Variants in ARSF observed in about 807,000 individuals in gnomAD.
ARSF encodes the protein arylsulfatase F.
A neutral mutation model predicts 35.4 loss-of-function variants in ARSF; 33 were observed. The ratio of observed to expected loss-of-function variants is 0.93; its 90% CI spans 0.71 to 1.25. The LOEUF (loss-of-function observed/expected upper bound fraction) is 1.25. ARSF is among the 50% of genes most tolerant of loss of function. ARSF has a pLI of 0.00. For missense variants in ARSF, 501 were observed against 480.2 expected, an observed-to-expected ratio of 1.04 and a Z score of -0.40; for synonymous variants, 222 against 193.1, an observed-to-expected ratio of 1.15 and a Z score of -1.24.
chrX:3,066,516 C>T (rs1395135528), intron 1 of ARSF, among the ~76,000 whole-genome samples: 1 of 112,256 alleles, frequency 8.9e-6, no homozygotes, highest in Non-Finnish European at 1.9e-5. Context: ...TGGCTCAAAA[C>T]AGCCAGTCTT....
Position 3,058,678 on chromosome X carries a change from C to A in ARSF, c.-28-9395C>A, listed in dbSNP as rs757408740. 7.8e-4 allele frequency: 236 copies of A among 304,269 alleles called. 3 individuals carry two copies. Among genetic ancestry groups the A allele is most frequent in the African/African-American group, 5.5e-3 (202 of 36,531 alleles). 25.1% of individuals were successfully genotyped at this position (304,269 alleles called of 1,213,427 possible). On this transcript the variant is annotated intron_variant, in intron 1 of 10. Transcript: ENST00000381127. Reference sequence around the variant, plus strand: ...AACCAGCCTGGGCAATATAGGGAGACCTTGTCTCTACAAAAAAATAGAAAA... The same window carrying A: ...AACCAGCCTGGGCAATATAGGGAGAACTTGTCTCTACAAAAAAATAGAAAA...
chrX:3,065,659 GC>G (rs2090062359), intron 1 of ARSF, among the ~76,000 whole-genome samples: 2 of 107,218 alleles, frequency 1.9e-5, no homozygotes, highest in South Asian at 8.1e-4. Context: ...AAATGCACAT[GC>G]CCTTTATATG....
At chrX:3,065,308 T>G (rs1325240687) in intron 1 of ARSF, among the ~76,000 whole-genome samples, 1 of 106,800 alleles carries the variant, frequency 9.4e-6, no homozygotes, top group Non-Finnish European at 1.9e-5. Context: ...GGGGGAGGGA[T>G]AGCATTGGGA....
intron 7 of ARSF, among the ~76,000 whole-genome samples, chrX:3,092,172 G>GATACATACATAC (rs1335609824): frequency 4.0e-5 from 1 of 25,169 alleles, no homozygotes; most frequent in South Asian, 4.5e-3. Context: ...ATAGATGATA[G>GATACATACATAC]ATAGATACAT....
In ARSF at chrX:3,084,531, C is replaced by A. The variant is rs1488259084; in HGVS notation, c.695C>A (p.Ala232Asp). ...CTGTTTATTTTCCTCTTGGGCTATG[C>A]TTGGTTCTCCAGCCACACGTCCCCT... Reference protein sequence around the residue: ...MILFIFLLGYAWFSSHTSPLY... With the variant: ...MILFIFLLGYDWFSSHTSPLY... Residue 232 changes from alanine to aspartate, a missense_variant, in exon 6 of 11, where the codon GCT becomes GAT. Transcript: ENST00000381127. The A allele has an allele frequency of 3.3e-6, 4 of 1,209,562 alleles. No homozygotes were observed. The highest frequency in any genetic ancestry group is 4.5e-6 in the Non-Finnish European group (4 of 895,244).
At chrX:3,084,115 T>C in intron 5 of ARSF, 128 bp from the exon 6 acceptor site, 1 of 819,638 alleles carries the variant, frequency 1.2e-6, no homozygotes, top group Middle Eastern at 3.8e-4. Context: ...GGAAGGAGAA[T>C]ATCTCTGCTA....
At position 3,103,802 on chromosome X, in the gene ARSF, C is replaced by G. The variant is rs2147543387; in HGVS notation, c.1143C>G (p.Val381=). 1 of 1,211,514 alleles carries G rather than the reference C, an allele frequency of 8.3e-7. No homozygotes were observed. Among genetic ancestry groups the G allele is most frequent in the East Asian group, 3.0e-5 (1 of 33,828 alleles). The change falls in exon 9 of 11, where the codon GTC becomes GTG. Residue 381 remains valine, a synonymous_variant. Transcript: ENST00000381127. ...GMGGWEGGIR[V]PGIVRWPGKV... is the part of the protein sequence containing the mutation. The stretch of plus-strand genomic sequence containing the variant: ...GGGGCTGGGAAGGTGGAATCCGCGT[C>G]CCAGGAATTGTCCGATGGCCTGGAA...
At chrX:3,070,777 C>CT (rs1385822100) in intron 2 of ARSF, among the ~76,000 whole-genome samples, 2 of 111,388 alleles carry the variant, frequency 1.8e-5, no homozygotes, top group African/African-American at 6.5e-5. Flanking sequence ...ATTCTTATGC[C>CT]TTTGCAGCCT....
chrX:3,090,632 A>G (rs776192132), intron 7 of ARSF, among the ~76,000 whole-genome samples: 5 of 112,290 alleles, frequency 4.5e-5, no homozygotes, highest in Non-Finnish European at 9.4e-5. Flanking sequence ...GCACCACTGC[A>G]CTCCATGCAC....
At chrX:3,080,571 G>T (rs2090193342) in intron 4 of ARSF, among the ~76,000 whole-genome samples, 1 of 111,446 alleles carries the variant, frequency 9.0e-6, no homozygotes, top group South Asian at 3.9e-4. Flanking sequence ...ACTGCTCACA[G>T]TTCTGGAGGC....
At chrX:3,078,749 C>T (rs951195708) in intron 4 of ARSF, among the ~76,000 whole-genome samples, 1 of 111,531 alleles carries the variant, frequency 9.0e-6, no homozygotes, top group African/African-American at 3.3e-5. Flanking sequence ...ATCGGCCCAC[C>T]TCGGCCTCCC....
At chrX:3,068,026 T>G in intron 1 of ARSF, 47 bp from the exon 2 acceptor site, 9 of 972,864 alleles carry the variant, frequency 9.3e-6, no homozygotes, top group Non-Finnish European at 1.3e-5. Flanking sequence ...GATACTTTTT[T>G]TTTTTTTTTT....
intron 1 of ARSF, among the ~76,000 whole-genome samples, chrX:3,045,240 G>A (rs2089969863): frequency 8.9e-6 from 1 of 111,820 alleles, no homozygotes; most frequent in Non-Finnish European, 1.9e-5. Flanking sequence ...ATTTTCTGGG[G>A]TAAATACCCG....
At position 3,112,363 on chromosome X, in the gene ARSF, A is replaced by G; in HGVS notation, c.1580A>G (p.His527Arg). ...TPLTPATEPL[H>R]DFVIKKVANA... ...CTGACACCTGCCACAGAGCCCCTCC[A>G]TGATTTTGTGATTAAAAAGGTGGCC... Residue 527 changes from histidine (H) to arginine (R), a missense_variant, in exon 11 of 11, where the codon CAT becomes CGT. His to Arg is a conservative substitution (Grantham distance 29). Transcript: ENST00000381127. The G allele has an allele frequency of 2.5e-6, 3 of 1,211,222 alleles. No homozygotes were observed. The highest frequency in any genetic ancestry group is 1.8e-5 in the South Asian group (1 of 56,915).
chrX:3,076,494 C>T, intron 3 of ARSF, 54 bp from the exon 4 acceptor site: 1 of 1,142,431 alleles, frequency 8.8e-7, no homozygotes, highest in Non-Finnish European at 1.2e-6. Flanking sequence ...TCTCTGCTTC[C>T]CCCGCCCCCC....
intron 1 of ARSF, among the ~76,000 whole-genome samples, chrX:3,064,412 A>G (rs1189362326): frequency 8.9e-6 from 1 of 112,037 alleles, no homozygotes; most frequent in Non-Finnish European, 1.9e-5. Flanking sequence ...CATGACTAAA[A>G]CAACAAAAGC....
chrX:3,084,632 A>G lies in ARSF; in HGVS notation c.796A>G (p.Ile266Val). Residue 266 changes from isoleucine to valine, a missense_variant, in exon 6 of 11, where the codon ATT (isoleucine) becomes GTT (valine). Transcript: ENST00000381127. Reference sequence around the variant, plus strand: ...CATGAAGGCTGAACGAGCTGGATCCATTATGGTGAAGGAAGCGATTTCCTT... The same window carrying G: ...CATGAAGGCTGAACGAGCTGGATCCGTTATGGTGAAGGAAGCGATTTCCTT... Reference protein sequence around the residue: ...QPMKAERAGSIMVKEAISFLE... With the variant: ...QPMKAERAGSVMVKEAISFLE... The G allele has an allele frequency of 8.5e-7, 1 of 1,182,849 alleles. No individual in the cohort carries two copies. Among genetic ancestry groups the G allele is most frequent in the African/African-American group, 1.8e-5 (1 of 56,640 alleles).
chrX:3,087,855 A>C (rs1423376391), intron 6 of ARSF, among the ~76,000 whole-genome samples: 1 of 111,673 alleles, frequency 9.0e-6, no homozygotes, highest in Non-Finnish European at 1.9e-5. Context: ...CAGAATGATC[A>C]CATCTTAAGT....
At chrX:3,084,202 G>GACAT (rs761222139) in intron 5 of ARSF, 41 bp from the exon 6 acceptor site, 314 of 1,186,302 alleles carry the variant, frequency 2.6e-4, no homozygotes, top group Non-Finnish European at 4.1e-5. Context: ...GGCATATGTT[G>GACAT]ACATATTGAT....
Sources: gnomAD v4.1 joint callset for allele counts (sites outside exome capture counted in the v4.1 genomes callset) on GRCh38, gnomAD v4.1.1 for gene constraint, MANE v1.5 for transcripts, NCBI Gene and HGNC (gene_info 2026-07-23, HGNC 2026-07-21) for gene names.